Variants in PYGO1 observed in about 807,000 individuals in gnomAD.
PYGO1 encodes pygopus homolog 1.
In PYGO1, 6 loss-of-function variants were observed where a neutral mutation model predicts 29.5. The observed-to-expected ratio is 0.20, with a 90% confidence interval of 0.11 to 0.40. The LOEUF (loss-of-function observed/expected upper bound fraction) is 0.40, where lower values mean the gene tolerates loss of function less well. Ranked by LOEUF, PYGO1 falls within the 10% of genes least tolerant of loss-of-function variation. The probability of loss-of-function intolerance (pLI) is 1.00; values close to 1 mark genes in which losing one functional copy is unlikely to be tolerated. For synonymous variants in PYGO1, 186 were observed against 180.5 expected (o/e 1.03, Z -0.24); for missense variants, 515 against 514.9 (o/e 1.00, Z 0.00).
At chr15:55,579,036 T>TATAATAATATA (rs2059015298) in intron 1 of PYGO1, among the ~76,000 whole-genome samples, 4 of 152,226 alleles carry the variant, frequency 2.6e-5, no homozygotes, top group Non-Finnish European at 5.9e-5. Flanking sequence ...TAATTTGATG[T>TATAATAATATA]TATAATCCCA....
chr15:55,557,216 T>C (rs1268002842), intron 1 of PYGO1, among the ~76,000 whole-genome samples: 1 of 152,044 alleles, frequency 6.6e-6, no homozygotes, highest in Non-Finnish European at 1.5e-5. Context: ...TATAAACACG[T>C]CTACGCAAAT....
chr15:55,587,145 T>A (rs2059050374), intron 1 of PYGO1, among the ~76,000 whole-genome samples: 1 of 152,234 alleles, frequency 6.6e-6, no homozygotes, highest in Non-Finnish European at 1.5e-5. Flanking sequence ...TGAACTTATA[T>A]GCAGTATCTT....
chr15:55,565,245 T>C (rs527407165), intron 1 of PYGO1, among the ~76,000 whole-genome samples: 75 of 152,196 alleles, frequency 4.9e-4, no homozygotes, highest in African/African-American at 1.7e-3. Flanking sequence ...GGATGGGACA[T>C]CTTGGTGGTC....
chr15:55,587,114 C>T (rs1051831280), intron 1 of PYGO1, among the ~76,000 whole-genome samples: 1 of 152,174 alleles, frequency 6.6e-6, no homozygotes, highest in Non-Finnish European at 1.5e-5. Context: ...CCCCCAATTT[C>T]CGGGTGGCAT....
rs1181238371 is a variant in PYGO1 at position 55,543,627 on chromosome 15, A to G, written c.*2396T>C. The G allele has an allele frequency of 6.6e-6, 1 of 152,232 alleles. No homozygotes were observed. The highest frequency in any genetic ancestry group is 1.9e-4 in the East Asian group (1 of 5,200). The allele number at this position is 152,232 out of a possible 1,614,324, so 9.4% of individuals were successfully genotyped here. On this transcript the variant is annotated 3_prime_UTR_variant, in exon 3 of 3. Transcript: ENST00000563719. ...GAAGTTATTTCATTTTCACAAAAAC[A>G]GCTAACTACTGAAACTTAAAGAGAT...
rs140625196 is a variant in PYGO1, at chr15:55,546,330, G to A, written c.953C>T (p.Thr318Ile). The change falls in exon 3 of 3, where the codon ACC becomes ATC. Residue 318 changes from threonine to isoleucine, a missense_variant. Thr to Ile is a moderately conservative substitution (Grantham distance 89). Coordinates refer to ENST00000563719, the MANE Select transcript of PYGO1 (RefSeq NM_001367806.1). Reference sequence around the variant, plus strand: ...AGAGGATTTATTGCTTTTTTCTGTGGTGCAGGCATCTGCTGCACCTCTTGG... The same window carrying A: ...AGAGGATTTATTGCTTTTTTCTGTGATGCAGGCATCTGCTGCACCTCTTGG... ...RQPRGAADAC[T>I]TEKSNKSSLH... is the part of the protein sequence containing the mutation. The A allele has an allele frequency of 1.9e-6, 3 of 1,614,060 alleles. No individual in the cohort carries two copies. The highest frequency in any genetic ancestry group is 2.7e-5 in the African/African-American group (2 of 74,924).
At chr15:55,550,554 T>C (rs2058874405) in intron 1 of PYGO1, among the ~76,000 whole-genome samples, 1 of 152,190 alleles carries the variant, frequency 6.6e-6, no homozygotes, top group Non-Finnish European at 1.5e-5. Context: ...GTCCAAGCTC[T>C]ATGGCATCTC....
rs915276513 is a variant in PYGO1, at chr15:55,543,408, T to C, written c.*2615A>G. On this transcript the variant is annotated 3_prime_UTR_variant, in exon 3 of 3. Transcript: ENST00000563719. ...GCTATTCATCAGCTATGATTACAGT[T>C]TGGCTATGATTCACTATCAGAATGA... 2.0e-5 allele frequency: 3 copies of C among 152,214 alleles called. No individual in the cohort carries two copies. Among genetic ancestry groups the C allele is most frequent in the African/African-American group, 7.2e-5 (3 of 41,460 alleles). 9.4% of individuals were successfully genotyped at this position (152,214 alleles called of 1,614,324 possible).
In PYGO1 at chr15:55,544,729, C is replaced by T. The variant is rs2058842064; in HGVS notation, c.*1294G>A. The T allele has an allele frequency of 6.6e-6, 1 of 152,064 alleles. No homozygotes were observed. The highest frequency in any genetic ancestry group is 2.4e-5 in the African/African-American group (1 of 41,412). 9.4% of individuals were successfully genotyped at this position (152,064 alleles called of 1,614,324 possible). A position where few individuals can be genotyped will look rare whatever the true frequency, so the allele number is the denominator to read the frequency against. On this transcript the variant is annotated 3_prime_UTR_variant, in exon 3 of 3. Transcript: ENST00000563719. ...ATAATGGTGGCAACATATTAGGGAG[C>T]TTTACCAGCCTCCAATGATTGTATA... is the stretch of plus-strand genomic sequence containing the variant.
rs777920900 is a variant in PYGO1, at chr15:55,546,774, T to C, written c.509A>G (p.Asn170Ser). 2.5e-6 allele frequency: 4 copies of C among 1,614,130 alleles called. No homozygotes were observed. Among genetic ancestry groups the C allele is most frequent in the South Asian group, 1.1e-5 (1 of 91,082 alleles). The change falls in exon 3 of 3, where the codon AAC becomes AGC. Residue 170 changes from asparagine (N) to serine (S), a missense_variant. Coordinates refer to ENST00000563719, the MANE Select transcript of PYGO1 (RefSeq NM_001367806.1). ...SYNNALSQNV[N>S]MPNQHFRQNP... ...TTGTCTAAAATGTTGATTAGGCATG[T>C]TGACATTCTGACTTAGTGCATTATT...
intron 1 of PYGO1, among the ~76,000 whole-genome samples, chr15:55,552,868 C>G (rs986288312): frequency 3.3e-5 from 5 of 152,188 alleles, no homozygotes; most frequent in Non-Finnish European, 7.4e-5. Flanking sequence ...AGGAAGGGTG[C>G]TGAATTCAGG....
chr15:55,578,469 T>G (rs2059013181), intron 1 of PYGO1, among the ~76,000 whole-genome samples: 1 of 152,174 alleles, frequency 6.6e-6, no homozygotes, highest in Non-Finnish European at 1.5e-5. Flanking sequence ...ATTTTATATT[T>G]TCATCTGCAA....
chr15:55,564,010 A>C (rs765159331), intron 1 of PYGO1, among the ~76,000 whole-genome samples: 2 of 152,226 alleles, frequency 1.3e-5, no homozygotes, highest in Non-Finnish European at 2.9e-5. Context: ...ACAGTTTGGC[A>C]GTTCCTCAAA....
chr15:55,549,040 A>G, intron 1 of PYGO1, 45 bp from the exon 2 acceptor site: 1 of 1,466,688 alleles, frequency 6.8e-7, no homozygotes, highest in Non-Finnish European at 9.4e-7. Flanking sequence ...TTGTAAGTGA[A>G]GTTACTTTAT....
At chr15:55,559,816 A>T (rs2141657937) in intron 1 of PYGO1, among the ~76,000 whole-genome samples, 1 of 152,340 alleles carries the variant, frequency 6.6e-6, no homozygotes, top group Admixed American at 6.5e-5. Flanking sequence ...CAAATCCAGC[A>T]GCACATCAAA....
intron 1 of PYGO1, among the ~76,000 whole-genome samples, chr15:55,555,154 T>G (rs539322685): frequency 6.6e-6 from 1 of 151,990 alleles, no homozygotes; most frequent in East Asian, 1.9e-4. Context: ...AGACTAACAG[T>G]AGACCTCTCA....
At chr15:55,547,992 T>A (rs562201172) in intron 2 of PYGO1, among the ~76,000 whole-genome samples, 2 of 152,346 alleles carry the variant, frequency 1.3e-5, no homozygotes, top group Admixed American at 1.3e-4. Flanking sequence ...TTTAAAAACC[T>A]TTAAATTAGA....
intron 1 of PYGO1, among the ~76,000 whole-genome samples, chr15:55,580,913 A>T (rs2141677284): frequency 6.6e-6 from 1 of 152,358 alleles, no homozygotes; most frequent in East Asian, 1.9e-4. Flanking sequence ...AACCAGGAAG[A>T]CTAATGACTT....
chr15:55,586,337 A>G (rs2059046202), intron 1 of PYGO1, among the ~76,000 whole-genome samples: 1 of 152,186 alleles, frequency 6.6e-6, no homozygotes, highest in Admixed American at 6.5e-5. Flanking sequence ...TTAAAATGTC[A>G]GATCACTCAC....
Sources: gnomAD v4.1 joint callset for allele counts (sites outside exome capture counted in the v4.1 genomes callset) on GRCh38, gnomAD v4.1.1 for gene constraint, MANE v1.5 for transcripts, NCBI Gene and HGNC (gene_info 2026-07-23, HGNC 2026-07-21) for gene names.